The following FBN1 variants were observed in gnomAD, a reference collection of about 807,000 sequenced individuals.
The protein encoded by FBN1 is fibrillin 1, also known as fibrillin-1.
Under a neutral mutation model 365.1 loss-of-function variants are expected in FBN1, and 29 were observed. The ratio of observed to expected loss-of-function variants is 0.08; its 90% CI spans 0.06 to 0.11. FBN1 has a LOEUF of 0.11. Ranked by LOEUF, FBN1 falls within the 10% of genes least tolerant of loss-of-function variation. FBN1 has a pLI of 1.00. For missense variants in FBN1, 2,476 were observed against 3,703.2 expected, an observed-to-expected ratio of 0.67 and a Z score of 8.60; for synonymous variants, 1,210 against 1,270.5, an observed-to-expected ratio of 0.95 and a Z score of 1.01.
At chr15:48,495,082 C>T (rs2043593524) in intron 22 of FBN1, 41 bp downstream of exon 22, 2 of 1,613,096 alleles carry the variant, frequency 1.2e-6, no homozygotes, top group Non-Finnish European at 1.7e-6. Flanking sequence ...ATGCAAAGAC[C>T]ATTGGAGTGG....
rs200409772 is a variant in FBN1 at position 48,421,082 on chromosome 15, CT to C, written c.7700-277del. Among the ~76,000 whole-genome samples the C allele has an allele frequency of 0.057, 8,316 of 146,540 alleles. 265 individuals are homozygous for C. Among genetic ancestry groups the C allele is most frequent in the East Asian group, 0.16 (804 of 5,062 alleles). On this transcript the variant is annotated intron_variant, in intron 62 of 65. Coordinates refer to ENST00000316623, the MANE Select transcript of FBN1 (RefSeq NM_000138.5). ...AAGTTATAAGTTATTTGTGTTTGCT[CT>C]TTTTTTTTTTTATTTTTGGTGCCAC...
intron 20 of FBN1, 139 bp downstream of exon 20, chr15:48,495,961 G>T: frequency 9.6e-7 from 1 of 1,045,178 alleles, no homozygotes; most frequent in Non-Finnish European, 1.5e-6. Flanking sequence ...ACATACTAGT[G>T]CCATGTAGAA....
intron 64 of FBN1, 122 bp downstream of exon 64, chr15:48,415,414 A>T: frequency 2.5e-6 from 2 of 795,830 alleles, no homozygotes; most frequent in Non-Finnish European, 4.3e-6. Context: ...AACTGGAATT[A>T]ATTTTAGGAT....
chr15:48,452,440 T>C (rs1295532158), intron 45 of FBN1, 122 bp downstream of exon 45: 1 of 1,178,212 alleles, frequency 8.5e-7, no homozygotes, highest in East Asian at 2.3e-5. Context: ...TTAGAGTTCA[T>C]CAATCTAAAT....
Position 48,448,842 on chromosome 15 carries a change from A to G in FBN1, c.5597T>C (p.Ile1866Thr), listed in dbSNP as rs773133679. 1.2e-6 allele frequency: 2 copies of G among 1,612,560 alleles called. No homozygotes were observed. The highest frequency in any genetic ancestry group is 1.7e-5 in the Admixed American group (1 of 59,990). ...GCAATAAAAGCTTCCAACTGTGTCA[A>G]TGCACTGCCCATGACTGCATATATT... ...IPNICSHGQC[I>T]DTVGSFYCLC... Residue 1866 changes from isoleucine to threonine, a missense_variant, in exon 46 of 66, where the codon ATT becomes ACT. By Grantham distance (89) the Ile-to-Thr change is moderately conservative. Coordinates refer to ENST00000316623, the MANE Select transcript of FBN1 (RefSeq NM_000138.5).
At chr15:48,626,249 C>G (rs546009129) in intron 2 of FBN1, among the ~76,000 whole-genome samples, 1 of 146,888 alleles carries the variant, frequency 6.8e-6, no homozygotes, top group Non-Finnish European at 1.5e-5. Flanking sequence ...AGAGCAAGAC[C>G]CTGTCTCAAA....
At chr15:48,463,620 T>G (rs1597545662) in intron 41 of FBN1, among the ~76,000 whole-genome samples, 1 of 152,214 alleles carries the variant, frequency 6.6e-6, no homozygotes, top group East Asian at 1.9e-4. Flanking sequence ...AATATAATTG[T>G]ACAAAGATAC....
In FBN1 at chr15:48,644,885, GTC is replaced by G; in HGVS notation, c.-118_-117del. 9.3e-7 allele frequency: 1 copy of G among 1,076,598 alleles called. No homozygotes were observed. The highest frequency in any genetic ancestry group is 1.2e-6 in the Non-Finnish European group (1 of 843,454). 66.7% of individuals were successfully genotyped at this position (1,076,598 alleles called of 1,614,324 possible). ...CCGGGGTCCCGCTATCCCGCCGCCCGTCCCCCGGGCCGGGCTCCTCCCGCCTT... is the reference window on the plus strand; with the variant it reads ...CCGGGGTCCCGCTATCCCGCCGCCCGCCCCGGGCCGGGCTCCTCCCGCCTT... On this transcript the variant is annotated 5_prime_UTR_variant, in exon 2 of 66. Transcript: ENST00000316623.
At chr15:48,434,538 C>T (rs1566895205) in intron 54 of FBN1, 56 bp downstream of exon 54, 2 of 1,607,276 alleles carry the variant, frequency 1.2e-6, no homozygotes, top group Non-Finnish European at 1.7e-6. Context: ...TGTAATCAAC[C>T]AATTGTTCCC....
At chr15:48,619,323 G>C (rs530972437) in intron 2 of FBN1, among the ~76,000 whole-genome samples, 211 of 152,152 alleles carry the variant, frequency 1.4e-3, no homozygotes, top group African/African-American at 4.9e-3. Context: ...AATCTGAAAA[G>C]GAACAGAATG....
intron 6 of FBN1, among the ~76,000 whole-genome samples, chr15:48,547,562 T>G (rs1354851859): frequency 6.6e-6 from 1 of 152,208 alleles, no homozygotes; most frequent in African/African-American, 2.4e-5. Context: ...AAATGCCTTC[T>G]ATAAATATGA....
At chr15:48,489,461 C>T (rs1311162580) in intron 25 of FBN1, among the ~76,000 whole-genome samples, 2 of 152,046 alleles carry the variant, frequency 1.3e-5, no homozygotes, top group East Asian at 1.9e-4. Context: ...CAAGACCAAA[C>T]ACTCAAGAAA....
intron 32 of FBN1, among the ~76,000 whole-genome samples, chr15:48,478,371 G>A (rs972223443): frequency 1.3e-5 from 2 of 152,170 alleles, no homozygotes; most frequent in African/African-American, 2.4e-5. Context: ...ATCCACCAGA[G>A]ACATTTCTCT....
chr15:48,630,572 C>T (rs1251393182), intron 2 of FBN1, among the ~76,000 whole-genome samples: 1 of 151,946 alleles, frequency 6.6e-6, no homozygotes, highest in African/African-American at 2.4e-5. Context: ...TTGTAAAATA[C>T]CTGAAAGGTT....
chr15:48,586,504 G>T (rs1404966774), intron 6 of FBN1, among the ~76,000 whole-genome samples: 1 of 152,180 alleles, frequency 6.6e-6, no homozygotes, highest in Admixed American at 6.5e-5. Context: ...CCCAGTGGCT[G>T]ATAAGAACCA....
intron 30 of FBN1, among the ~76,000 whole-genome samples, chr15:48,484,431 G>A (rs1369319819): frequency 6.6e-6 from 1 of 151,594 alleles, no homozygotes; most frequent in Admixed American, 6.6e-5. Flanking sequence ...GAGTGCAATG[G>A]CGCGATCTTG....
intron 36 of FBN1, among the ~76,000 whole-genome samples, chr15:48,469,137 A>G (rs1409938082): frequency 6.8e-6 from 1 of 147,090 alleles, no homozygotes; most frequent in Non-Finnish European, 1.5e-5. Flanking sequence ...TATAATATAT[A>G]TTACATATAT....
chr15:48,519,410 C>T (rs2043832363), intron 10 of FBN1, among the ~76,000 whole-genome samples: 1 of 152,144 alleles, frequency 6.6e-6, no homozygotes, highest in African/African-American at 2.4e-5. Context: ...GTGTAAAAAG[C>T]ATGAGAAATA....
At chr15:48,523,016 C>T (rs1031021094) in intron 9 of FBN1, among the ~76,000 whole-genome samples, 32 of 152,270 alleles carry the variant, frequency 2.1e-4, no homozygotes, top group African/African-American at 5.8e-4. Context: ...GTACCTCCCC[C>T]GTCAAGAGGG....
Sources: gnomAD v4.1 joint callset for allele counts (sites outside exome capture counted in the v4.1 genomes callset) on GRCh38, gnomAD v4.1.1 for gene constraint, MANE v1.5 for transcripts, NCBI Gene and HGNC (gene_info 2026-07-23, HGNC 2026-07-21) for gene names.